The following C18orf63 variants were observed in gnomAD, a reference collection of about 807,000 sequenced individuals.
C18orf63 encodes chromosome 18 open reading frame 63.
In C18orf63, 50 loss-of-function variants were observed where a neutral mutation model predicts 75.3. The observed-to-expected ratio is 0.66, with a 90% CI of 0.53 to 0.84. C18orf63 has a LOEUF of 0.84. C18orf63 is among the 40% of genes least tolerant of loss of function. The pLI is 0.00. For missense variants in C18orf63, 732 were observed against 800.2 expected, an observed-to-expected ratio of 0.91 and a Z score of 1.03; for synonymous variants, 232 against 267.6, an observed-to-expected ratio of 0.87 and a Z score of 1.30.
rs1249244386 is a variant in C18orf63 at position 74,330,606 on chromosome 18, CA to C, written c.425-259del. Reference sequence around the variant, plus strand: ...TTTTTCTCTTAACTGTGGGGTGTCTCATTTTTTTTATTCTAACCTTGCCTAT... The same window carrying C: ...TTTTTCTCTTAACTGTGGGGTGTCTCTTTTTTTTATTCTAACCTTGCCTAT... On this transcript the variant is annotated intron_variant, in intron 6 of 13. Transcript: ENST00000579455. Among the ~76,000 whole-genome samples, 11 of 152,150 alleles carry C rather than the reference CA, an allele frequency of 7.2e-5. No individual in the cohort carries two copies. In the South Asian group the frequency reaches 2.1e-3, roughly 29 times the overall value.
intron 7 of C18orf63, among the ~76,000 whole-genome samples, chr18:74,337,998 A>G (rs544577852): frequency 9.2e-5 from 14 of 152,300 alleles, no homozygotes; most frequent in African/African-American, 3.4e-4. Flanking sequence ...GTGGTTGGTT[A>G]AGAATGGGGT....
chr18:74,330,996 A>G lies in C18orf63; in HGVS notation c.501+54A>G, dbSNP rs139042796. 1,113 of 693,134 alleles carry G rather than the reference A, an allele frequency of 1.6e-3. 9 individuals are homozygous for G. In the African/African-American group the frequency reaches 0.018, roughly 11 times the overall value. 42.9% of individuals were successfully genotyped at this position (693,134 alleles called of 1,614,324 possible). On this transcript the variant is annotated intron_variant, in intron 7 of 13. Coordinates refer to ENST00000579455, the MANE Select transcript of C18orf63 (RefSeq NM_001174123.2). The stretch of plus-strand genomic sequence containing the variant: ...ATTATATTTACTATATACTTTTTAT[A>G]TTTATTATTGTTACTAACGTGATTA...
Position 74,328,878 on chromosome 18 carries a change from C to A in C18orf63, c.383-117C>A. On this transcript the variant is annotated intron_variant, in intron 5 of 13. Transcript: ENST00000579455. ...CATCAGGTATTACTTTATATAACAA[C>A]TGCATTTTAAAGTATTTTCTTTAGC... 8.6e-6 allele frequency: 5 copies of A among 581,590 alleles called. No homozygotes were observed. In the South Asian group the frequency reaches 1.2e-4, roughly 14 times the overall value. The allele number at this position is 581,590 out of a possible 1,614,324, so 36.0% of individuals were successfully genotyped here.
intron 8 of C18orf63, among the ~76,000 whole-genome samples, chr18:74,340,662 T>C (rs1404759484): frequency 2.0e-5 from 3 of 152,060 alleles, no homozygotes; most frequent in Admixed American, 2.0e-4. Flanking sequence ...ACAAATAGAA[T>C]AGTAGTCACC....
intron 13 of C18orf63, among the ~76,000 whole-genome samples, chr18:74,356,211 T>C (rs1984761830): frequency 1.3e-5 from 2 of 152,148 alleles, no homozygotes; most frequent in South Asian, 4.1e-4. Context: ...TTTTAGTGTA[T>C]TCATCATTGG....
At chr18:74,337,728 G>C (rs376316701) in intron 7 of C18orf63, among the ~76,000 whole-genome samples, 2 of 152,038 alleles carry the variant, frequency 1.3e-5, no homozygotes, top group African/African-American at 2.4e-5. Flanking sequence ...ACCTCACAAC[G>C]TAACTAGCAT....
intron 12 of C18orf63, 85 bp from the exon 13 acceptor site, chr18:74,354,372 A>G: frequency 7.9e-7 from 1 of 1,263,806 alleles, no homozygotes; most frequent in South Asian, 1.5e-5. Context: ...AACCATACTA[A>G]TTAATAAACA....
chr18:74,318,206 C>CT (rs1984059316), intron 2 of C18orf63, among the ~76,000 whole-genome samples: 1 of 152,150 alleles, frequency 6.6e-6, no homozygotes, highest in South Asian at 2.1e-4. Flanking sequence ...AATTATCTCA[C>CT]TGTTGAGTTT....
intron 8 of C18orf63, among the ~76,000 whole-genome samples, chr18:74,341,053 C>G (rs193179072): frequency 2.0e-5 from 3 of 151,616 alleles, no homozygotes; most frequent in African/African-American, 7.2e-5. Flanking sequence ...TCACGAGGTC[C>G]GGAGATCGAG....
intron 7 of C18orf63, 72 bp downstream of exon 7, chr18:74,331,014 C>T (rs979573667): frequency 1.6e-5 from 9 of 565,414 alleles, no homozygotes; most frequent in African/African-American, 3.9e-5. Flanking sequence ...TTGTTACTAA[C>T]GTGATTAGGT....
chr18:74,321,405 A>G (rs1224079718), intron 3 of C18orf63, among the ~76,000 whole-genome samples: 1 of 151,942 alleles, frequency 6.6e-6, no homozygotes, highest in Non-Finnish European at 1.5e-5. Flanking sequence ...CCCAGGCTCA[A>G]GCAATCCTCC....
intron 3 of C18orf63, among the ~76,000 whole-genome samples, chr18:74,320,924 A>T (rs1413291826): frequency 1.3e-5 from 2 of 152,152 alleles, no homozygotes; most frequent in Non-Finnish European, 2.9e-5. Context: ...AAAAGGAAAA[A>T]ATTTCTCATT....
At chr18:74,316,759 T>C (rs1568233638) in intron 1 of C18orf63, among the ~76,000 whole-genome samples, 1 of 152,210 alleles carries the variant, frequency 6.6e-6, no homozygotes, top group African/African-American at 2.4e-5. Flanking sequence ...CTTCACAATA[T>C]AGTTCTACAG....
In C18orf63 at chr18:74,336,665, T is replaced by A. The variant is rs1459045538; in HGVS notation, c.502-2050T>A. On this transcript the variant is annotated intron_variant, in intron 7 of 13. Transcript: ENST00000579455. ...AAATATTCTTGTATAGTTGTAACTT[T>A]TCTGTCATCTCTTGGATACTTTCAA... 2.0e-5 allele frequency among the ~76,000 whole-genome samples: 3 copies of A among 152,112 alleles called. No individual in the cohort carries two copies. The East Asian group carries it at 5.8e-4, about 29-fold the overall frequency.
chr18:74,348,956 C>CA (rs1385026397), intron 11 of C18orf63, among the ~76,000 whole-genome samples: 4 of 152,040 alleles, frequency 2.6e-5, no homozygotes. Flanking sequence ...TGTATATTTC[C>CA]AAAAGACAGC....
chr18:74,337,145 T>C (rs1984404822), intron 7 of C18orf63, among the ~76,000 whole-genome samples: 1 of 152,152 alleles, frequency 6.6e-6, no homozygotes, highest in Admixed American at 6.5e-5. Context: ...GTCTAAATTG[T>C]TCAGATTGGC....
intron 11 of C18orf63, among the ~76,000 whole-genome samples, chr18:74,349,780 G>C (rs1190832747): frequency 2.0e-5 from 3 of 151,990 alleles, no homozygotes; most frequent in African/African-American, 4.8e-5. Context: ...CCTACATTCT[G>C]CTCCCCTACA....
intron 4 of C18orf63, among the ~76,000 whole-genome samples, chr18:74,325,028 G>A (rs1984185672): frequency 6.6e-6 from 1 of 152,100 alleles, no homozygotes; most frequent in Non-Finnish European, 1.5e-5. Flanking sequence ...TCTGTAACAT[G>A]TCAAGCACTC....
At chr18:74,319,416 A>G (rs1220147593) in intron 2 of C18orf63, among the ~76,000 whole-genome samples, 1 of 151,168 alleles carries the variant, frequency 6.6e-6, no homozygotes, top group Admixed American at 6.7e-5. Context: ...AGGTAACCCC[A>G]TACACATCCT....
Sources: allele counts gnomAD v4.1 joint callset (sites outside exome capture counted in the v4.1 genomes callset), GRCh38; gene constraint gnomAD v4.1.1; transcripts MANE v1.5; gene names NCBI Gene and HGNC (gene_info 2026-07-23, HGNC 2026-07-21).